Variants in PHAF1 observed in about 807,000 individuals in gnomAD.
PHAF1 encodes the protein phagosome assembly factor 1.
A neutral mutation model predicts 63.1 loss-of-function variants in PHAF1; 23 were observed. The ratio of observed to expected loss-of-function variants is 0.36; its 90% CI spans 0.26 to 0.52. The LOEUF (loss-of-function observed/expected upper bound fraction) is 0.52. Among genes scored for constraint, PHAF1 ranks in the 20% least tolerant of loss-of-function variants. PHAF1 has a pLI of 0.93. For synonymous variants in PHAF1, 167 were observed against 185.0 expected, an observed-to-expected ratio of 0.90 and a Z score of 0.79; for missense variants, 427 against 517.2, an observed-to-expected ratio of 0.83 and a Z score of 1.69.
chr16:67,144,342 C>T lies in PHAF1; in HGVS notation c.928C>T (p.His310Tyr). Reference protein sequence around the residue: ...NTHKVKKFVLHTNYPGHYNFN... With the variant: ...NTHKVKKFVLYTNYPGHYNFN... Reference sequence around the variant, plus strand: ...ACACAAAGTGAAGAAGTTTGTTCTACACACCAATTACCCTGGGCATTATAA... The same window carrying T: ...ACACAAAGTGAAGAAGTTTGTTCTATACACCAATTACCCTGGGCATTATAA... The change falls in exon 11 of 16, where the codon CAC becomes TAC. Residue 310 changes from histidine (H) to tyrosine (Y), a missense_variant. Physicochemically the swap from His to Tyr is moderately conservative, Grantham distance 83. Coordinates refer to ENST00000219139, the MANE Select transcript of PHAF1 (RefSeq NM_025187.5). 1.2e-6 allele frequency: 2 copies of T among 1,611,780 alleles called. No homozygotes were observed. The highest frequency in any genetic ancestry group is 1.7e-6 in the Non-Finnish European group (2 of 1,177,830).
At chr16:67,143,717 G>A (rs1214513564) in intron 10 of PHAF1, among the ~76,000 whole-genome samples, 1 of 152,144 alleles carries the variant, frequency 6.6e-6, no homozygotes, top group Non-Finnish European at 1.5e-5. Context: ...ATATTCAGAG[G>A]GAAGAAAGCC....
chr16:67,137,154 C>CAA (rs1169960632), intron 8 of PHAF1, among the ~76,000 whole-genome samples: 2 of 107,214 alleles, frequency 1.9e-5, no homozygotes, highest in African/African-American at 3.5e-5. Flanking sequence ...GACTCCTTCT[C>CAA]AAAAAAAAAA....
intron 8 of PHAF1, among the ~76,000 whole-genome samples, chr16:67,136,931 C>T (rs1045370402): frequency 4.6e-5 from 7 of 152,058 alleles, no homozygotes; most frequent in Admixed American, 6.6e-5. Flanking sequence ...CCGAGGTGGG[C>T]GGATCACGAG....
Position 67,110,144 on chromosome 16 carries a change from G to C in PHAF1, c.-32G>C. Reference sequence around the variant, plus strand: ...CTCGGGTCCCTTCTGCGCTGCCGCAGGGAGGCCGCCCGGGCCAGGCGAGCC... The same window carrying C: ...CTCGGGTCCCTTCTGCGCTGCCGCACGGAGGCCGCCCGGGCCAGGCGAGCC... On this transcript the variant is annotated 5_prime_UTR_variant, in exon 1 of 16. Coordinates refer to ENST00000219139, the MANE Select transcript of PHAF1 (RefSeq NM_025187.5). 1 of 1,550,150 alleles carries C rather than the reference G, an allele frequency of 6.5e-7. No homozygotes were observed. Among genetic ancestry groups the C allele is most frequent in the Non-Finnish European group, 8.7e-7 (1 of 1,146,978 alleles).
chr16:67,118,220 T>G (rs546786567), intron 1 of PHAF1, among the ~76,000 whole-genome samples: 3 of 143,414 alleles, frequency 2.1e-5, no homozygotes, highest in African/African-American at 7.6e-5. Context: ...TGATCTGCCC[T>G]CCTCGGCCTC....
intron 2 of PHAF1, among the ~76,000 whole-genome samples, chr16:67,122,086 G>A (rs956873875): frequency 6.6e-6 from 1 of 151,678 alleles, no homozygotes; most frequent in Non-Finnish European, 1.5e-5. Context: ...ATTTTGTAGA[G>A]ATGGGGTCTC....
intron 3 of PHAF1, among the ~76,000 whole-genome samples, chr16:67,130,371 C>A (rs371259827): frequency 8.5e-5 from 5 of 58,958 alleles, no homozygotes; most frequent in South Asian, 1.1e-3. Flanking sequence ...TTTTTTGAGA[C>A]GGAGTCTCGC....
chr16:67,110,333 C>T, intron 1 of PHAF1, 94 bp downstream of exon 1: 1 of 1,358,254 alleles, frequency 7.4e-7, no homozygotes, highest in Non-Finnish European at 1.0e-6. Context: ...CGCCCCTGCG[C>T]CCGCAGCTCC....
intron 10 of PHAF1, among the ~76,000 whole-genome samples, chr16:67,142,065 C>A (rs1894969507): frequency 6.6e-6 from 1 of 152,234 alleles, no homozygotes; most frequent in African/African-American, 2.4e-5. Flanking sequence ...GGCAACAGAA[C>A]AGTTCAGAGG....
rs372791486 is a variant in PHAF1, at chr16:67,132,826, C to G, written c.365C>G (p.Ser122Cys). 2.3e-5 allele frequency: 37 copies of G among 1,612,480 alleles called. No individual in the cohort carries two copies. The highest frequency in any genetic ancestry group is 2.9e-5 in the Non-Finnish European group (34 of 1,178,546). Reference sequence around the variant, plus strand: ...CCCCCACCCCCAACAGTGTACAACTCCGCTGAGCAGCTCTTCCATCTCAAC... The same window carrying G: ...CCCCCACCCCCAACAGTGTACAACTGCGCTGAGCAGCTCTTCCATCTCAAC... ...FGATHPGVYN[S>C]AEQLFHLNFR... Residue 122 changes from serine (S) to cysteine (C), a missense_variant, in exon 6 of 16, where the codon TCC becomes TGC. Transcript: ENST00000219139.
chr16:67,132,581 C>A, intron 5 of PHAF1, 56 bp downstream of exon 5: 1 of 1,547,556 alleles, frequency 6.5e-7, no homozygotes, highest in Non-Finnish European at 8.9e-7. Context: ...TAGCAATAAA[C>A]CTGCCCGGTA....
At chr16:67,137,763 C>G (rs896685503) in intron 8 of PHAF1, among the ~76,000 whole-genome samples, 1 of 152,114 alleles carries the variant, frequency 6.6e-6, no homozygotes, top group African/African-American at 2.4e-5. Context: ...GCAGGAGGAG[C>G]CTGTCGAGGG....
intron 6 of PHAF1, among the ~76,000 whole-genome samples, chr16:67,133,285 A>G (rs116035773): frequency 6.6e-6 from 1 of 152,172 alleles, no homozygotes; most frequent in African/African-American, 2.4e-5. Flanking sequence ...CATTCATCCT[A>G]GGGGCTGTGA....
At chr16:67,120,941 G>A (rs371022772) in intron 2 of PHAF1, among the ~76,000 whole-genome samples, 5 of 152,150 alleles carry the variant, frequency 3.3e-5, no homozygotes, top group Non-Finnish European at 5.9e-5. Context: ...TTTCTGAGAG[G>A]CTTCTCAGTT....
chr16:67,147,785 GC>G lies in PHAF1; in HGVS notation c.*658del. ...GGAGTCAGCTTTCAAGATTGCCTGT[GC>G]CCCTGCTCTGCCCCATCCTGGCTGG... On this transcript the variant is annotated 3_prime_UTR_variant, in exon 16 of 16. Coordinates refer to ENST00000219139, the MANE Select transcript of PHAF1 (RefSeq NM_025187.5). The G allele has an allele frequency of 6.5e-6, 1 of 152,974 alleles. No homozygotes were observed. Among genetic ancestry groups the G allele is most frequent in the South Asian group, 2.1e-4 (1 of 4,840 alleles). The allele number at this position is 152,974 out of a possible 1,614,324, so 9.5% of individuals were successfully genotyped here. A position where few individuals can be genotyped will look rare whatever the true frequency, so the allele number is the denominator to read the frequency against.
intron 12 of PHAF1, 101 bp from the exon 13 acceptor site, chr16:67,145,275 A>G: frequency 5.2e-6 from 7 of 1,339,986 alleles, no homozygotes; most frequent in Non-Finnish European, 7.4e-6. Context: ...ATGTACTCCA[A>G]CCCCAGTGCA....
chr16:67,140,584 C>T lies in PHAF1; in HGVS notation c.869C>T (p.Thr290Ile). The T allele has an allele frequency of 6.3e-7, 1 of 1,588,690 alleles. No homozygotes were observed. Among genetic ancestry groups the T allele is most frequent in the Non-Finnish European group, 8.6e-7 (1 of 1,156,846 alleles). The change falls in exon 10 of 16, where the codon ACT becomes ATT. Residue 290 changes from threonine to isoleucine, a missense_variant. Physicochemically the swap from Thr to Ile is moderately conservative, Grantham distance 89 (BLOSUM62 -1). Coordinates refer to ENST00000219139, the MANE Select transcript of PHAF1 (RefSeq NM_025187.5). ...KCNDYFFNYF[T>I]LGVDILFDAN... is the part of the protein sequence containing the mutation. The stretch of plus-strand genomic sequence containing the variant: ...AATGACTACTTTTTTAACTACTTCA[C>T]TCTTGGAGTGGTAAGTTGTGATTCC...
intron 9 of PHAF1, 56 bp downstream of exon 9, chr16:67,140,173 T>C: frequency 6.4e-6 from 10 of 1,570,376 alleles, no homozygotes; most frequent in South Asian, 2.3e-5. Flanking sequence ...TAATTTAATA[T>C]TGAGTATAAA....
At chr16:67,141,467 A>G (rs922596073) in intron 10 of PHAF1, among the ~76,000 whole-genome samples, 1 of 152,060 alleles carries the variant, frequency 6.6e-6, no homozygotes, top group Non-Finnish European at 1.5e-5. Flanking sequence ...CTTTGCCCCA[A>G]TTTTTGCTTG....
Sources: gnomAD v4.1 joint callset for allele counts (sites outside exome capture counted in the v4.1 genomes callset) on GRCh38, gnomAD v4.1.1 for gene constraint, MANE v1.5 for transcripts, NCBI Gene and HGNC (gene_info 2026-07-23, HGNC 2026-07-21) for gene names.